SPTB: variants seen among roughly 807,000 people sequenced by gnomAD.
SPTB encodes the protein spectrin beta, erythrocytic.
Under a neutral mutation model 256.2 loss-of-function variants are expected in SPTB, and 45 were observed. The observed-to-expected ratio is 0.18, with a 90% confidence interval of 0.14 to 0.23. SPTB has a LOEUF of 0.23. Among genes scored for constraint, SPTB ranks in the 10% least tolerant of loss-of-function variants. The probability of loss-of-function intolerance (pLI) is 1.00; values close to 1 mark genes in which losing one functional copy is unlikely to be tolerated. For synonymous variants in SPTB, 1,231 were observed against 1,243.1 expected, an observed-to-expected ratio of 0.99 and a Z score of 0.21; for missense variants, 2,715 against 3,040.4, an observed-to-expected ratio of 0.89 and a Z score of 2.52.
chr14:64,836,371 A>G (rs1269014865), intron 1 of SPTB, among the ~76,000 whole-genome samples: 1 of 152,238 alleles, frequency 6.6e-6, no homozygotes, highest in East Asian at 1.9e-4. Context: ...GCTGCTGCAC[A>G]GATTAAATGA....
intron 9 of SPTB, among the ~76,000 whole-genome samples, chr14:64,799,097 G>A (rs949004958): frequency 6.7e-6 from 1 of 150,218 alleles, no homozygotes; most frequent in African/African-American, 2.5e-5. Context: ...ATGTGTATGA[G>A]TGCACGGTTG....
In SPTB at chr14:64,772,897, G is replaced by T; in HGVS notation, c.5236C>A (p.Arg1746=). The change falls in exon 26 of 36, where the codon CGG becomes AGG. Residue 1746 remains arginine, a synonymous_variant. Transcript: ENST00000644917. The surrounding 1 kb of genome is among the most constrained non-coding windows in gnomAD (Gnocchi z 5.4). Reference sequence around the variant, plus strand: ...ATGAAGGCATTCACATTGTCCACCCGCTCCTGCCCAATCGCCCCGGTCTCC... The same window carrying T: ...ATGAAGGCATTCACATTGTCCACCCTCTCCTGCCCAATCGCCCCGGTCTCC... The part of the protein sequence containing the change: ...ARETGAIGQE[R]VDNVNAFIER... 1.2e-6 allele frequency: 2 copies of T among 1,605,682 alleles called. No individual in the cohort carries two copies. Among genetic ancestry groups the T allele is most frequent in the Non-Finnish European group, 1.7e-6 (2 of 1,174,106 alleles).
At chr14:64,773,119 G>A (rs2082303864) in intron 25 of SPTB, 101 bp downstream of exon 25, 6 of 1,560,470 alleles carry the variant, frequency 3.8e-6, no homozygotes, top group East Asian at 2.3e-5. Context: ...TCACACTGGG[G>A]AGGTTACGTC....
chr14:64,756,843 A>G (rs1566735280), intron 32 of SPTB: 2 of 152,170 alleles, frequency 1.3e-5, no homozygotes, highest in African/African-American at 4.8e-5. Flanking sequence ...ACTCCTCTCT[A>G]TGCATCTGGC....
rs1486154220 is a variant in SPTB at position 64,852,602 on chromosome 14, A to G, written c.-52+27190T>C. On this transcript the variant is annotated intron_variant, in intron 1 of 35. Transcript: ENST00000644917. The surrounding 1 kb of genome is among the most constrained non-coding windows in gnomAD (Gnocchi z 4.2). The stretch of plus-strand genomic sequence containing the variant: ...GACTTTGGTAGCCAAGATGGTGGGG[A>G]GCAATCAGCTTACAAAACTATGTAG... 2.0e-5 allele frequency among the ~76,000 whole-genome samples: 3 copies of G among 152,180 alleles called. No individual in the cohort carries two copies. Among genetic ancestry groups the G allele is most frequent in the East Asian group, 1.9e-4 (1 of 5,192 alleles).
At chr14:64,808,473 G>C (rs578047490) in intron 2 of SPTB, among the ~76,000 whole-genome samples, 1 of 152,096 alleles carries the variant, frequency 6.6e-6, no homozygotes, top group Non-Finnish European at 1.5e-5. Flanking sequence ...ACCCTTCAAA[G>C]GTTTAGTTTC....
rs1024800811 is a variant in SPTB at position 64,799,856 on chromosome 14, C to T, written c.955G>A (p.Glu319Lys). ...GLASDLLTWI[E>K]QTITVLNSRK... ...CTGTTCAGGACAGTGATGGTCTGCT[C>T]GATCCAGGTGAGCAGGTCCGAGGCT... Residue 319 changes from glutamate to lysine, a missense_variant, in exon 9 of 36, where the codon GAG (glutamate) becomes AAG (lysine). Transcript: ENST00000644917. 66 of 1,614,130 alleles carry T rather than the reference C, an allele frequency of 4.1e-5. No individual in the cohort carries two copies. Among genetic ancestry groups the T allele is most frequent in the Non-Finnish European group, 5.1e-5 (60 of 1,180,062 alleles).
intron 15 of SPTB, among the ~76,000 whole-genome samples, chr14:64,788,085 A>G (rs1487786899): frequency 6.6e-6 from 1 of 152,246 alleles, no homozygotes; most frequent in African/African-American, 2.4e-5. Flanking sequence ...GCTCACAAAT[A>G]ACATAGCATA....
Position 64,785,882 on chromosome 14 carries a change from C to T in SPTB, c.3631G>A (p.Glu1211Lys). 1.2e-6 allele frequency: 2 copies of T among 1,614,148 alleles called. No homozygotes were observed. Among genetic ancestry groups the T allele is most frequent in the Non-Finnish European group, 1.7e-6 (2 of 1,180,030 alleles). Residue 1211 changes from glutamate to lysine, a missense_variant, in exon 17 of 36, where the codon GAG becomes AAG. By Grantham distance (56) the Glu-to-Lys change is moderately conservative. This residue lies in a region of SPTB where 2,239 missense variants were observed against 2,384.4 expected (regional missense o/e 0.94). Coordinates refer to ENST00000644917, the MANE Select transcript of SPTB (RefSeq NM_001355436.2). The surrounding 1 kb of genome is among the most constrained non-coding windows in gnomAD (Gnocchi z 4.4). ...TTCTCCATAGACCCCAAGAAATCCT[C>T]AAACTTCCGGATCCCAGCCTCTGCA... ...EAAEAGIRKF[E>K]DFLGSMENNR...
At position 64,786,172 on chromosome 14, in the gene SPTB, C is replaced by T. The variant is rs1447748606; in HGVS notation, c.3562-221G>A. On this transcript the variant is annotated intron_variant, in intron 16 of 35. Transcript: ENST00000644917. The surrounding 1 kb of genome is among the most constrained non-coding windows in gnomAD (Gnocchi z 5.6). ...CTAAAGCCACATGGAAGGCTAACCA[C>T]CCAGGGCAAAATGCGCTTCTCTAGC... 2.0e-5 allele frequency among the ~76,000 whole-genome samples: 3 copies of T among 152,242 alleles called. No individual in the cohort carries two copies. The highest frequency in any genetic ancestry group is 7.2e-5 in the African/African-American group (3 of 41,544).
intron 32 of SPTB, among the ~76,000 whole-genome samples, chr14:64,763,607 C>T (rs1411855699): frequency 6.6e-6 from 1 of 152,214 alleles, no homozygotes; most frequent in Non-Finnish European, 1.5e-5. Flanking sequence ...AGCGCGGAGA[C>T]TCAGGGGATT....
chr14:64,823,457 G>C lies in SPTB; in HGVS notation c.-51-312C>G, dbSNP rs1407126563. The stretch of plus-strand genomic sequence containing the variant: ...CTCCAGACCAGCCGCCCCGCCGCGG[G>C]GAGCACCCCGGGAGAGAGGAAGCTC... On this transcript the variant is annotated intron_variant, in intron 1 of 35. Transcript: ENST00000644917. This position sits in a 1 kb window ranked among gnomAD's most constrained non-coding sequence, Gnocchi z 6.5. Among the ~76,000 whole-genome samples the C allele has an allele frequency of 1.3e-5, 2 of 152,204 alleles. No individual in the cohort carries two copies. The highest frequency in any genetic ancestry group is 2.9e-5 in the Non-Finnish European group (2 of 68,048).
rs2082754177 is a variant in SPTB at position 64,795,626 on chromosome 14, T to C, written c.1355A>G (p.Tyr452Cys). 2 of 1,613,970 alleles carry C rather than the reference T, an allele frequency of 1.2e-6. No individual in the cohort carries two copies. The highest frequency in any genetic ancestry group is 1.7e-6 in the Non-Finnish European group (2 of 1,180,000). ...QRLVAQDNFG[Y>C]DLAAVEAAKK... ...GGCGGCCTCCACAGCTGCCAGGTCA[T>C]ACCCAAAGTTATCCTGCCCCACCGG... Residue 452 changes from tyrosine to cysteine, a missense_variant, in exon 12 of 36, where the codon TAT becomes TGT. Tyr to Cys is a radical substitution (Grantham distance 194, BLOSUM62 -2). Coordinates refer to ENST00000644917, the MANE Select transcript of SPTB (RefSeq NM_001355436.2). This position sits in a 1 kb window ranked among gnomAD's most constrained non-coding sequence, Gnocchi z 6.5.
chr14:64,758,121 C>G lies in SPTB; in HGVS notation c.6346-4328G>C, dbSNP rs546721179. ...GTGAGATCATGTCTGTAAATGTTGG[C>G]TTTCTTATGATCCTTCACCCCTCCC... On this transcript the variant is annotated intron_variant, in intron 32 of 35. Transcript: ENST00000644917. This position sits in a 1 kb window ranked among gnomAD's most constrained non-coding sequence, Gnocchi z 4.6. 3.7e-4 allele frequency among the ~76,000 whole-genome samples: 57 copies of G among 152,356 alleles called. No homozygotes were observed. The highest frequency in any genetic ancestry group is 1.3e-3 in the African/African-American group (56 of 41,578).
intron 2 of SPTB, among the ~76,000 whole-genome samples, chr14:64,814,874 C>G (rs1372246870): frequency 6.6e-6 from 1 of 152,102 alleles, no homozygotes; most frequent in Non-Finnish European, 1.5e-5. Flanking sequence ...TATTGTAGAC[C>G]AGTTTAAATC....
chr14:64,847,189 CAG>C lies in SPTB; in HGVS notation c.-51-24046_-51-24045del, dbSNP rs1188991206. On this transcript the variant is annotated intron_variant, in intron 1 of 35. Transcript: ENST00000644917. This position sits in a 1 kb window ranked among gnomAD's most constrained non-coding sequence, Gnocchi z 5.9. ...TCTTCAAAGCTCCAGAAAATTAAAA[CAG>C]AATTTCACTAGGAAACAGTGACCCC... Among the ~76,000 whole-genome samples, 1 of 152,172 alleles carries C rather than the reference CAG, an allele frequency of 6.6e-6. No individual in the cohort carries two copies. The highest frequency in any genetic ancestry group is 2.4e-5 in the African/African-American group (1 of 41,444).
chr14:64,801,963 G>C, intron 5 of SPTB, 129 bp from the exon 6 acceptor site: 13 of 973,276 alleles, frequency 1.3e-5, no homozygotes, highest in East Asian at 2.6e-5. Flanking sequence ...TCACCAAGAG[G>C]GGGCAGCAGC....
chr14:64,859,718 CTCTATATATATA>C (rs1343879100), intron 1 of SPTB, among the ~76,000 whole-genome samples: 17 of 19,478 alleles, frequency 8.7e-4, no homozygotes, highest in African/African-American at 2.0e-3. Flanking sequence ...CTCTCTCTCT[CTCTATATATATA>C]TATATATGCA....
chr14:64,839,847 G>A (rs1472044729), intron 1 of SPTB, among the ~76,000 whole-genome samples: 1 of 152,178 alleles, frequency 6.6e-6, no homozygotes, highest in Admixed American at 6.5e-5. Context: ...TGTCAAGAGA[G>A]AGGCATAAAT....
Sources: allele counts gnomAD v4.1 joint callset (sites outside exome capture counted in the v4.1 genomes callset), GRCh38; gene constraint gnomAD v4.1.1; regional missense constraint gnomAD v4.1.1; non-coding constraint Gnocchi (gnomAD v3.1); transcripts MANE v1.5; gene names NCBI Gene and HGNC (gene_info 2026-07-23, HGNC 2026-07-21).